The following CDC42SE2 variants were observed in gnomAD, a reference collection of about 807,000 sequenced individuals.
CDC42SE2 encodes the protein CDC42 small effector 2.
In CDC42SE2, 3 loss-of-function variants were observed where a neutral mutation model predicts 11.5. The observed-to-expected ratio is 0.26, with a 90% CI of 0.12 to 0.67. The LOEUF (loss-of-function observed/expected upper bound fraction) is 0.67. CDC42SE2 is among the 30% of genes least tolerant of loss of function. The probability of loss-of-function intolerance (pLI) is 0.80; values close to 1 mark genes in which losing one functional copy is unlikely to be tolerated. For synonymous variants in CDC42SE2, 33 were observed against 34.8 expected (o/e 0.95, Z 0.18); for missense variants, 82 against 106.8 (o/e 0.77, Z 1.02).
At chr5:131,258,078 C>T (rs1756692841) in intron 2 of CDC42SE2, among the ~76,000 whole-genome samples, 1 of 152,184 alleles carries the variant, frequency 6.6e-6, no homozygotes, top group Non-Finnish European at 1.5e-5. Flanking sequence ...TTTCCCCACT[C>T]TTGTATGCCA....
At position 131,359,204 on chromosome 5, in the gene CDC42SE2, C is replaced by T; in HGVS notation, c.-285-5C>T. On this transcript the variant is annotated splice_region_variant and splice_polypyrimidine_tract_variant and intron_variant, in intron 2 of 4. Coordinates refer to ENST00000505065, the MANE Select transcript of CDC42SE2 (RefSeq NM_001375635.1). ...TTTTTTTTACTTTTTCTTTTTTTTC[C>T]CTAGACTATCTGTTATAGTCCCTGG... 1 of 302,930 alleles carries T rather than the reference C, an allele frequency of 3.3e-6. No individual in the cohort carries two copies. The highest frequency in any genetic ancestry group is 6.0e-6 in the Non-Finnish European group (1 of 166,894). 18.8% of individuals were successfully genotyped at this position (302,930 alleles called of 1,614,324 possible). A position where few individuals can be genotyped will look rare whatever the true frequency, so the allele number is the denominator to read the frequency against.
chr5:131,312,614 C>G (rs968191201), intron 1 of CDC42SE2, among the ~76,000 whole-genome samples: 1 of 152,182 alleles, frequency 6.6e-6, no homozygotes, highest in Non-Finnish European at 1.5e-5. Flanking sequence ...TAGGACCCTC[C>G]GAGCCAGGCG....
At chr5:131,253,622 G>A (rs962142655) in intron 1 of CDC42SE2, among the ~76,000 whole-genome samples, 4 of 152,034 alleles carry the variant, frequency 2.6e-5, no homozygotes, top group Admixed American at 6.6e-5. Flanking sequence ...AAAATTAGCT[G>A]GGCATGGTGG....
chr5:131,212,515 T>C, the CDC42SE2 span, among the ~76,000 whole-genome samples: 1 of 152,194 alleles, frequency 6.6e-6, no homozygotes, highest in Admixed American at 6.5e-5. Flanking sequence ...TCCCCTTTCA[T>C]GGCACTTACA....
At chr5:131,223,657 C>G in the CDC42SE2 span, among the ~76,000 whole-genome samples, 4 of 152,206 alleles carry the variant, frequency 2.6e-5, no homozygotes, top group Non-Finnish European at 5.9e-5. Flanking sequence ...TAACCCTTCA[C>G]TAAATCATTT....
intron 2 of CDC42SE2, among the ~76,000 whole-genome samples, chr5:131,330,945 G>A (rs529450763): frequency 2.3e-4 from 35 of 151,674 alleles, no homozygotes; most frequent in Non-Finnish European, 4.0e-4. Flanking sequence ...AGAATTGTTT[G>A]AGCCCAGGAG....
chr5:131,374,990 C>A (rs1750110642), intron 3 of CDC42SE2, among the ~76,000 whole-genome samples: 1 of 149,636 alleles, frequency 6.7e-6, no homozygotes, highest in South Asian at 2.1e-4. Flanking sequence ...TTAACAATAT[C>A]ATTAATACTT....
At chr5:131,286,238 C>A (rs1011272966) in intron 1 of CDC42SE2, among the ~76,000 whole-genome samples, 5 of 151,682 alleles carry the variant, frequency 3.3e-5, no homozygotes, top group African/African-American at 4.8e-5. Context: ...CATCACCACA[C>A]CCAGCTAATT....
At chr5:131,389,697 GTGC>G (rs1750591014) in intron 4 of CDC42SE2, among the ~76,000 whole-genome samples, 1 of 152,172 alleles carries the variant, frequency 6.6e-6, no homozygotes, top group African/African-American at 2.4e-5. Flanking sequence ...GTTACAGTAG[GTGC>G]TCAGTAAGTA....
chr5:131,220,827 A>G, the CDC42SE2 span, among the ~76,000 whole-genome samples: 3 of 151,446 alleles, frequency 2.0e-5, no homozygotes, highest in South Asian at 2.1e-4. Context: ...CAAGTCCTAC[A>G]TACTCTTCTG....
intron 1 of CDC42SE2, among the ~76,000 whole-genome samples, chr5:131,300,468 C>G (rs1235366318): frequency 2.6e-5 from 4 of 152,066 alleles, no homozygotes; most frequent in African/African-American, 4.8e-5. Flanking sequence ...TGGAACATAT[C>G]AAGATAGAGA....
intron 1 of CDC42SE2, among the ~76,000 whole-genome samples, chr5:131,280,912 G>A (rs1251619625): frequency 6.6e-6 from 1 of 152,066 alleles, no homozygotes; most frequent in East Asian, 1.9e-4. Context: ...AAAAATTTTA[G>A]CATGTAAGAA....
rs1451247564 is a variant in CDC42SE2, at chr5:131,320,885, A to AT, written c.-286+4749dup. Among the ~76,000 whole-genome samples the AT allele has an allele frequency of 2.0e-5, 3 of 152,166 alleles. No individual in the cohort carries two copies. In the South Asian group the frequency reaches 6.2e-4, roughly 32 times the overall value. ...ACGTATCGGATCAGTGGAGAAAATT[A>AT]TTTTTTTTCTTTCTGGCAATATTAT... On this transcript the variant is annotated intron_variant, in intron 2 of 4. Transcript: ENST00000505065.
At chr5:131,330,263 C>T (rs192596583) in intron 2 of CDC42SE2, among the ~76,000 whole-genome samples, 3 of 152,272 alleles carry the variant, frequency 2.0e-5, no homozygotes, top group Admixed American at 1.3e-4. Flanking sequence ...CTTTTTATGA[C>T]GTTCTAAGAT....
chr5:131,300,343 A>G (rs1325249593), intron 1 of CDC42SE2, among the ~76,000 whole-genome samples: 1 of 152,202 alleles, frequency 6.6e-6, no homozygotes, highest in Admixed American at 6.5e-5. Context: ...GAGTTGGATA[A>G]GAAAGAGAAA....
At chr5:131,211,025 A>G in the CDC42SE2 span, among the ~76,000 whole-genome samples, 303 of 152,280 alleles carry the variant, frequency 2.0e-3, 1 homozygote, top group African/African-American at 7.0e-3. Flanking sequence ...TTTAGTAGAG[A>G]TGAGGTTTTG....
At chr5:131,218,005 T>A in the CDC42SE2 span, among the ~76,000 whole-genome samples, 1 of 151,928 alleles carries the variant, frequency 6.6e-6, no homozygotes, top group Non-Finnish European at 1.5e-5. Flanking sequence ...CGAAACCCTG[T>A]CCCTACAAAA....
intron 3 of CDC42SE2, 38 bp downstream of exon 3, chr5:131,359,585 T>A: frequency 6.7e-7 from 1 of 1,485,568 alleles, no homozygotes; most frequent in Non-Finnish European, 9.4e-7. Context: ...GGTGGGGTGC[T>A]TATTAAACTT....
the CDC42SE2 span, among the ~76,000 whole-genome samples, chr5:131,211,539 A>G: frequency 2.5e-4 from 38 of 152,050 alleles, no homozygotes; most frequent in African/African-American, 9.2e-4. Context: ...GTCATTTTTT[A>G]TTGTGGGTAC....
Sources: allele counts gnomAD v4.1 joint callset (sites outside exome capture counted in the v4.1 genomes callset), GRCh38; gene constraint gnomAD v4.1.1; transcripts MANE v1.5; gene names NCBI Gene and HGNC (gene_info 2026-07-23, HGNC 2026-07-21).